The following PHC2 variants were observed in gnomAD, a reference collection of about 807,000 sequenced individuals.
PHC2 encodes the protein polyhomeotic-like protein 2.
Under a neutral mutation model 87.4 loss-of-function variants are expected in PHC2, and 29 were observed. The ratio of observed to expected loss-of-function variants is 0.33; its 90% CI spans 0.25 to 0.45. The LOEUF is 0.45. PHC2 is among the 20% of genes least tolerant of loss of function. The pLI is 1.00. For missense variants in PHC2, 857 were observed against 1,136.7 expected, an observed-to-expected ratio of 0.75 and a Z score of 3.54; for synonymous variants, 438 against 461.7, an observed-to-expected ratio of 0.95 and a Z score of 0.66.
chr1:33,379,779 G>A (rs1374105290), intron 1 of PHC2, among the ~76,000 whole-genome samples: 1 of 151,512 alleles, frequency 6.6e-6, no homozygotes, highest in African/African-American at 2.4e-5. Context: ...GATCCAGACT[G>A]GTAGCTCCGT....
At chr1:33,346,200 C>A in intron 9 of PHC2, 4 of 984,792 alleles carry the variant, frequency 4.1e-6, no homozygotes, top group Non-Finnish European at 3.6e-6. Flanking sequence ...TCAGTTCTCA[C>A]CCTGCTTTCC....
At chr1:33,422,015 CT>C (rs1413565531) in intron 1 of PHC2, among the ~76,000 whole-genome samples, 1 of 152,178 alleles carries the variant, frequency 6.6e-6, no homozygotes, top group African/African-American at 2.4e-5. Context: ...TGCCAGCCTA[CT>C]TTTCAGCCTT....
intron 1 of PHC2, among the ~76,000 whole-genome samples, chr1:33,376,362 C>G (rs1262513526): frequency 2.0e-5 from 3 of 152,250 alleles, no homozygotes; most frequent in Admixed American, 2.0e-4. Context: ...TTAAGACACA[C>G]TTGCCCTCAG....
chr1:33,362,468 C>G (rs906116175), intron 7 of PHC2, among the ~76,000 whole-genome samples: 1 of 151,982 alleles, frequency 6.6e-6, no homozygotes, highest in Non-Finnish European at 1.5e-5. Flanking sequence ...TTATAGACAG[C>G]TGAAATGTAT....
chr1:33,330,203 C>T lies in PHC2; in HGVS notation c.2016G>A (p.Val672=). 3.7e-6 allele frequency: 6 copies of T among 1,614,158 alleles called. No homozygotes were observed. The highest frequency in any genetic ancestry group is 5.1e-6 in the Non-Finnish European group (6 of 1,180,044). ...AAAGTCCCACCCGTTTGGTGCATCCCACGTTGTACCTTCAGGGACAGGGGA... is the reference window on the plus strand; with the variant it reads ...AAAGTCCCACCCGTTTGGTGCATCCTACGTTGTACCTTCAGGGACAGGGGA... ...CSMACAKRYN[V]GCTKRVGLFH... The change falls in exon 13 of 15, where the codon GTG becomes GTA. Residue 672 remains valine (V), a synonymous_variant. Transcript: ENST00000683057.
intron 9 of PHC2, among the ~76,000 whole-genome samples, chr1:33,338,928 G>A (rs537759737): frequency 6.6e-6 from 1 of 152,284 alleles, no homozygotes; most frequent in Admixed American, 6.5e-5. Context: ...ACCACAAAGG[G>A]CCAAGTATTC....
intron 1 of PHC2, among the ~76,000 whole-genome samples, chr1:33,403,718 T>G (rs1354173917): frequency 6.6e-6 from 1 of 152,330 alleles, no homozygotes; most frequent in Admixed American, 6.5e-5. Flanking sequence ...AAAATTACTT[T>G]CACTGAGGTC....
chr1:33,403,100 C>T (rs866275992), intron 1 of PHC2, among the ~76,000 whole-genome samples: 19 of 143,678 alleles, frequency 1.3e-4, no homozygotes, highest in South Asian at 6.7e-4. Flanking sequence ...GGATTACAGG[C>T]GTGAGCCACT....
chr1:33,331,515 G>T lies in PHC2; in HGVS notation c.1892-53C>A. 9.1e-7 allele frequency: 1 copy of T among 1,093,592 alleles called. No homozygotes were observed. Among genetic ancestry groups the T allele is most frequent in the Non-Finnish European group, 1.4e-6 (1 of 715,084 alleles). 67.7% of individuals were successfully genotyped at this position (1,093,592 alleles called of 1,614,324 possible). A position where few individuals can be genotyped will look rare whatever the true frequency, so the allele number is the denominator to read the frequency against. ...GAGAATGAGAAATTCCTGCAGGACT[G>T]TGGCCAGCCCCACCACGGGGCCTCC... is the stretch of plus-strand genomic sequence containing the variant. On this transcript the variant is annotated intron_variant, in intron 11 of 14. Coordinates refer to ENST00000683057, the MANE Select transcript of PHC2 (RefSeq NM_001385109.1). This position sits in a 1 kb window ranked among gnomAD's most constrained non-coding sequence, Gnocchi z 5.2.
chr1:33,362,426 A>G (rs895998415), intron 7 of PHC2, among the ~76,000 whole-genome samples: 2 of 152,158 alleles, frequency 1.3e-5, no homozygotes, highest in Admixed American at 6.5e-5. Context: ...TCCAGATTAA[A>G]AAAAACTTGT....
chr1:33,386,744 G>C (rs1337855339), intron 1 of PHC2, among the ~76,000 whole-genome samples: 3 of 152,054 alleles, frequency 2.0e-5, no homozygotes, highest in East Asian at 3.9e-4. Flanking sequence ...TGCACACAAA[G>C]TGCACATAAC....
intron 1 of PHC2, among the ~76,000 whole-genome samples, chr1:33,408,503 C>G (rs1046288273): frequency 6.6e-6 from 1 of 152,116 alleles, no homozygotes; most frequent in Non-Finnish European, 1.5e-5. Flanking sequence ...CTCTGTCACC[C>G]AGGCTGGAGT....
At chr1:33,356,397 G>A (rs1647086718) in intron 7 of PHC2, among the ~76,000 whole-genome samples, 1 of 150,704 alleles carries the variant, frequency 6.6e-6, no homozygotes, top group African/African-American at 2.4e-5. Context: ...AGATAAACAT[G>A]TGAACAAGGG....
Position 33,349,605 on chromosome 1 carries a change from G to A in PHC2, c.1558+4796C>T. 1.0e-6 allele frequency: 1 copy of A among 983,944 alleles called. No individual in the cohort carries two copies. The highest frequency in any genetic ancestry group is 5.2e-4 in the Middle Eastern group (1 of 1,916). 61.0% of individuals were successfully genotyped at this position (983,944 alleles called of 1,614,324 possible). On this transcript the variant is annotated intron_variant, in intron 9 of 14. Transcript: ENST00000683057. This position sits in a 1 kb window ranked among gnomAD's most constrained non-coding sequence, Gnocchi z 4.2. The stretch of plus-strand genomic sequence containing the variant: ...CCCGCCCCGGCACTGACCTGTCCAG[G>A]GCCCGGCTGGGCCTGGCCGGGCGGG...
chr1:33,350,935 T>C (rs942181488), intron 9 of PHC2, among the ~76,000 whole-genome samples: 1 of 152,208 alleles, frequency 6.6e-6, no homozygotes. Context: ...TCAACTCCTG[T>C]TCCCTAACAT....
chr1:33,393,473 T>TTG (rs916293956), intron 1 of PHC2, among the ~76,000 whole-genome samples: 1 of 151,244 alleles, frequency 6.6e-6, no homozygotes, highest in South Asian at 2.1e-4. Context: ...GTTTTTTTTT[T>TTG]TTTTTTTTTC....
At chr1:33,402,768 T>C (rs1649591935) in intron 1 of PHC2, among the ~76,000 whole-genome samples, 1 of 152,084 alleles carries the variant, frequency 6.6e-6, no homozygotes, top group Non-Finnish European at 1.5e-5. Context: ...ATTGTAAAAA[T>C]AACAGTATAT....
chr1:33,366,231 ACC>A (rs745840296), intron 7 of PHC2, among the ~76,000 whole-genome samples: 1 of 152,136 alleles, frequency 6.6e-6, no homozygotes, highest in Non-Finnish European at 1.5e-5. Context: ...GATCAGCGTG[ACC>A]CTCTCTTTAA....
chr1:33,428,395 C>T (rs1650769072), intron 1 of PHC2, among the ~76,000 whole-genome samples: 1 of 152,184 alleles, frequency 6.6e-6, no homozygotes, highest in South Asian at 2.1e-4. Flanking sequence ...GCATGTCACC[C>T]CAGTGACACC....
Sources: gnomAD v4.1 joint callset for allele counts (sites outside exome capture counted in the v4.1 genomes callset) on GRCh38, gnomAD v4.1.1 for gene constraint, Gnocchi (gnomAD v3.1) non-coding constraint, MANE v1.5 for transcripts, NCBI Gene and HGNC (gene_info 2026-07-23, HGNC 2026-07-21) for gene names.